UTRN: variants seen among roughly 807,000 people sequenced by gnomAD.
UTRN encodes the protein dystrophin-related protein 1.
Under a neutral mutation model 463.9 loss-of-function variants are expected in UTRN, and 283 were observed. The observed-to-expected ratio is 0.61, with a 90% CI of 0.55 to 0.67. The LOEUF is 0.67. UTRN is among the 30% of genes least tolerant of loss of function. UTRN has a pLI of 0.00. For synonymous variants in UTRN, 1,442 were observed against 1,431.5 expected, an observed-to-expected ratio of 1.01 and a Z score of -0.17; for missense variants, 3,922 against 4,084.3, an observed-to-expected ratio of 0.96 and a Z score of 1.08.
At chr6:144,771,321 C>A (rs1465669908) in intron 58 of UTRN, among the ~76,000 whole-genome samples, 1 of 152,122 alleles carries the variant, frequency 6.6e-6, no homozygotes, top group Non-Finnish European at 1.5e-5. Context: ...GATGAGGTCT[C>A]GCTATGTTGC....
chr6:144,668,187 C>T (rs543604533), intron 51 of UTRN, among the ~76,000 whole-genome samples: 1 of 152,260 alleles, frequency 6.6e-6, no homozygotes, highest in African/African-American at 2.4e-5. Context: ...GTCAGTGCTG[C>T]CAATTCACCT....
chr6:144,535,407 CAT>C (rs1797441501), intron 43 of UTRN, among the ~76,000 whole-genome samples: 1 of 152,168 alleles, frequency 6.6e-6, no homozygotes, highest in Non-Finnish European at 1.5e-5. Flanking sequence ...TAAGGAAAAA[CAT>C]GTACCTGCTG....
rs184181174 is a variant in UTRN at position 144,753,530 on chromosome 6, G to C, written c.8356-1190G>C. On this transcript the variant is annotated intron_variant, in intron 56 of 74. Coordinates refer to ENST00000367545, the MANE Select transcript of UTRN (RefSeq NM_007124.3). ...GCTACTTGAGAGACTGAGGTGGGAG[G>C]ATCACTTGAGGCTAGGAGTTCAAGG... is the stretch of plus-strand genomic sequence containing the variant. 7.0e-3 allele frequency among the ~76,000 whole-genome samples: 1,062 copies of C among 151,960 alleles called. 18 individuals carry two copies. Among genetic ancestry groups the C allele is most frequent in the African/African-American group, 0.024 (997 of 41,432 alleles).
intron 2 of UTRN, among the ~76,000 whole-genome samples, chr6:144,343,873 G>A (rs1777340801): frequency 6.6e-6 from 1 of 151,998 alleles, no homozygotes; most frequent in South Asian, 2.1e-4. Flanking sequence ...GGAGGTGGGT[G>A]GAGTGCCCCT....
chr6:144,541,569 T>C (rs1797977192), intron 45 of UTRN, among the ~76,000 whole-genome samples: 1 of 152,212 alleles, frequency 6.6e-6, no homozygotes, highest in Non-Finnish European at 1.5e-5. Context: ...AATTCTAACA[T>C]GGTTTATTTC....
At chr6:144,453,680 T>A in intron 18 of UTRN, 102 bp from the exon 19 acceptor site, 1 of 909,704 alleles carries the variant, frequency 1.1e-6, no homozygotes. Context: ...TTTTCAGATT[T>A]AAAAAGAATG....
intron 2 of UTRN, among the ~76,000 whole-genome samples, chr6:144,294,775 A>C (rs1012060916): frequency 7.3e-6 from 1 of 137,092 alleles, no homozygotes; most frequent in Admixed American, 6.9e-5. Context: ...ACTTTGTTTC[A>C]TGCCATTTTG....
intron 71 of UTRN, among the ~76,000 whole-genome samples, chr6:144,837,603 C>G (rs1444563964): frequency 6.6e-6 from 1 of 152,114 alleles, no homozygotes; most frequent in Admixed American, 6.5e-5. Context: ...AATAGGAGTG[C>G]CTTTCTCCAG....
chr6:144,603,509 C>CCTTT (rs1361679323), intron 51 of UTRN, among the ~76,000 whole-genome samples: 1 of 151,956 alleles, frequency 6.6e-6, no homozygotes, highest in Non-Finnish European at 1.5e-5. Flanking sequence ...ATTTATTGAC[C>CCTTT]CTTTGTCCAT....
rs778217389 is a variant in UTRN, at chr6:144,748,446, C to A, written c.8140C>A (p.Arg2714=). Residue 2714 remains arginine, a synonymous_variant, in exon 55 of 75, where the codon CGG becomes AGG. Transcript: ENST00000367545. The part of the protein sequence containing the change: ...DADMKEAESV[R]NGWKPVGDLL... The stretch of plus-strand genomic sequence containing the variant: ...TGACATGAAGGAGGCAGAGTCCGTG[C>A]GGAATGGCTGGAAGCCCGTGGGAGA... 1 of 1,613,934 alleles carries A rather than the reference C, an allele frequency of 6.2e-7. No individual in the cohort carries two copies. The highest frequency in any genetic ancestry group is 1.1e-5 in the South Asian group (1 of 91,084).
chr6:144,767,595 A>G (rs1793499386), intron 58 of UTRN, among the ~76,000 whole-genome samples: 2 of 152,134 alleles, frequency 1.3e-5, no homozygotes, highest in Non-Finnish European at 2.9e-5. Context: ...TTGTCACCCA[A>G]GTCATAGAAT....
At chr6:144,487,937 C>A (rs970710783) in intron 29 of UTRN, among the ~76,000 whole-genome samples, 1 of 152,156 alleles carries the variant, frequency 6.6e-6, no homozygotes, top group Non-Finnish European at 1.5e-5. Context: ...TACTTACAAA[C>A]ATTTAATTTT....
chr6:144,783,597 GT>G (rs1776045228), intron 61 of UTRN, among the ~76,000 whole-genome samples: 1 of 152,102 alleles, frequency 6.6e-6, no homozygotes, highest in African/African-American at 2.4e-5. Flanking sequence ...AGAATCCTCT[GT>G]TCTATCTTTT....
intron 58 of UTRN, among the ~76,000 whole-genome samples, chr6:144,760,324 A>G (rs960603917): frequency 7.9e-5 from 12 of 152,264 alleles, no homozygotes; most frequent in African/African-American, 2.2e-4. Flanking sequence ...TGGAAAATAG[A>G]TATAATATAA....
At chr6:144,745,273 C>T (rs1790588007) in intron 54 of UTRN, among the ~76,000 whole-genome samples, 1 of 151,968 alleles carries the variant, frequency 6.6e-6, no homozygotes, top group East Asian at 1.9e-4. Context: ...AATAATTTCC[C>T]TTTTTTTCAT....
intron 2 of UTRN, among the ~76,000 whole-genome samples, chr6:144,378,820 G>A (rs1780676976): frequency 6.6e-6 from 1 of 152,226 alleles, no homozygotes; most frequent in Non-Finnish European, 1.5e-5. Flanking sequence ...GCTTTAGGCT[G>A]GAGGCAAGAG....
At chr6:144,679,347 G>A (rs1781977686) in intron 52 of UTRN, among the ~76,000 whole-genome samples, 1 of 152,084 alleles carries the variant, frequency 6.6e-6, no homozygotes, top group South Asian at 2.1e-4. Flanking sequence ...TATAAATTTA[G>A]TGAATACTGG....
At position 144,441,303 on chromosome 6, in the gene UTRN, T is replaced by C. The variant is rs567738856; in HGVS notation, c.1512+832T>C. ...AAAAGCAAGTTAGTTACTTCCTAGC[T>C]ACAATGGGGGCACAGGCAAAGAGTA... On this transcript the variant is annotated intron_variant, in intron 13 of 74. Coordinates refer to ENST00000367545, the MANE Select transcript of UTRN (RefSeq NM_007124.3). Among the ~76,000 whole-genome samples, 23 of 152,254 alleles carry C rather than the reference T, an allele frequency of 1.5e-4. No individual in the cohort carries two copies. The South Asian group carries it at 4.8e-3, about 32-fold the overall frequency.
chr6:144,582,974 C>G (rs1438105846), intron 51 of UTRN, among the ~76,000 whole-genome samples: 1 of 152,144 alleles, frequency 6.6e-6, no homozygotes, highest in Non-Finnish European at 1.5e-5. Context: ...CAGAGCACAG[C>G]TAGAGCTGCA....
Sources: gnomAD v4.1 joint callset for allele counts (sites outside exome capture counted in the v4.1 genomes callset) on GRCh38, gnomAD v4.1.1 for gene constraint, MANE v1.5 for transcripts, NCBI Gene and HGNC (gene_info 2026-07-23, HGNC 2026-07-21) for gene names.